ASCC3: variants seen among roughly 807,000 people sequenced by gnomAD.
The protein encoded by ASCC3 is ASC-1 complex subunit P200.
In ASCC3, 158 loss-of-function variants were observed where a neutral mutation model predicts 256.3. That is an observed-to-expected ratio of 0.62 (90% CI 0.54 to 0.70). The LOEUF (loss-of-function observed/expected upper bound fraction) is 0.70, where lower values mean the gene tolerates loss of function less well. Among genes scored for constraint, ASCC3 ranks in the 30% least tolerant of loss-of-function variants. The pLI, the probability that ASCC3 is intolerant of heterozygous loss-of-function variation, is 0.00. For missense variants in ASCC3, 2,259 were observed against 2,626.0 expected, an observed-to-expected ratio of 0.86 and a Z score of 3.05; for synonymous variants, 948 against 883.4, an observed-to-expected ratio of 1.07 and a Z score of -1.30.
At chr6:100,692,544 A>G (rs1184759807) in intron 13 of ASCC3, among the ~76,000 whole-genome samples, 1 of 152,080 alleles carries the variant, frequency 6.6e-6, no homozygotes, top group Non-Finnish European at 1.5e-5. Flanking sequence ...ACACTATTGA[A>G]AATTTCCTTA....
At chr6:100,851,763 C>G (rs891096819) in intron 3 of ASCC3, among the ~76,000 whole-genome samples, 1 of 152,156 alleles carries the variant, frequency 6.6e-6, no homozygotes, top group Non-Finnish European at 1.5e-5. Flanking sequence ...ATATGCCTTA[C>G]GGTTCTGGGA....
intron 4 of ASCC3, among the ~76,000 whole-genome samples, chr6:100,825,605 A>T (rs113813576): frequency 9.1e-4 from 139 of 152,210 alleles, no homozygotes; most frequent in African/African-American, 3.3e-3. Flanking sequence ...CTTGAGGAGT[A>T]TCTTGTGGTG....
intron 38 of ASCC3, among the ~76,000 whole-genome samples, chr6:100,517,117 C>G (rs1774069720): frequency 6.6e-6 from 1 of 152,020 alleles, no homozygotes. Flanking sequence ...CTAGGGACAT[C>G]CCATGGTAAG....
intron 13 of ASCC3, among the ~76,000 whole-genome samples, chr6:100,708,948 T>C (rs1482749265): frequency 6.6e-6 from 1 of 151,872 alleles, no homozygotes; most frequent in Admixed American, 6.6e-5. Flanking sequence ...GAGGTAACAA[T>C]TGCCAATTAA....
At chr6:100,603,234 A>G (rs1487531630) in intron 33 of ASCC3, among the ~76,000 whole-genome samples, 2 of 151,694 alleles carry the variant, frequency 1.3e-5, no homozygotes, top group East Asian at 3.9e-4. Flanking sequence ...ATCAAGGTAC[A>G]AAACCAAAAA....
Position 100,516,164 on chromosome 6 carries a change from T to C in ASCC3, c.6075+16A>G, listed in dbSNP as rs760107320. 6.2e-7 allele frequency: 1 copy of C among 1,613,360 alleles called. No individual in the cohort carries two copies. Among genetic ancestry groups the C allele is most frequent in the Admixed American group, 1.7e-5 (1 of 60,004 alleles). ...AGAGTAGGGGAGCCTTCAAAACACT[T>C]AAGAGATGGTCTTACCTGTTTCGTT... On this transcript the variant is annotated intron_variant, in intron 39 of 41. Coordinates refer to ENST00000369162, the MANE Select transcript of ASCC3 (RefSeq NM_006828.4).
intron 37 of ASCC3, among the ~76,000 whole-genome samples, chr6:100,532,534 G>A (rs1271636293): frequency 1.3e-5 from 2 of 151,284 alleles, no homozygotes; most frequent in Non-Finnish European, 3.0e-5. Context: ...TTGCCGTAAG[G>A]CAGGCTAGAA....
chr6:100,740,728 G>A (rs1780395545), intron 10 of ASCC3, among the ~76,000 whole-genome samples: 1 of 152,120 alleles, frequency 6.6e-6, no homozygotes, highest in African/African-American at 2.4e-5. Context: ...AACTAGGAAT[G>A]GCAACCCCTG....
chr6:100,570,843 T>C (rs948067217), intron 36 of ASCC3, among the ~76,000 whole-genome samples: 1 of 152,172 alleles, frequency 6.6e-6, no homozygotes, highest in African/African-American at 2.4e-5. Flanking sequence ...TTCCATTCTT[T>C]ACTTATAATC....
chr6:100,519,491 CTT>C (rs1165377086), intron 37 of ASCC3, among the ~76,000 whole-genome samples: 1 of 151,996 alleles, frequency 6.6e-6, no homozygotes, highest in Non-Finnish European at 1.5e-5. Context: ...CTTTGTCTGT[CTT>C]TGAAGTATAT....
intron 14 of ASCC3, among the ~76,000 whole-genome samples, chr6:100,677,657 T>C (rs985533564): frequency 2.6e-5 from 4 of 151,874 alleles, no homozygotes; most frequent in African/African-American, 9.7e-5. Flanking sequence ...AAAAAGTAAT[T>C]CTGGGATACC....
intron 37 of ASCC3, among the ~76,000 whole-genome samples, chr6:100,521,279 G>A (rs1206470355): frequency 6.6e-6 from 1 of 152,046 alleles, no homozygotes; most frequent in African/African-American, 2.4e-5. Flanking sequence ...TACGCCAAAG[G>A]GAAGCTGCAA....
intron 4 of ASCC3, among the ~76,000 whole-genome samples, chr6:100,822,355 A>C (rs1281367971): frequency 2.0e-5 from 3 of 152,044 alleles, no homozygotes; most frequent in Admixed American, 1.3e-4. Context: ...TGGGCAACAA[A>C]GTAAGACTCC....
At position 100,650,692 on chromosome 6, in the gene ASCC3, T is replaced by G; in HGVS notation, c.3098A>C (p.Glu1033Ala). The part of the protein sequence containing the change: ...QIKVREEEIE[E>A]LDTLLSNFCE... ...AAAATTGCTTAATAAGGTATCTAAC[T>G]CCTCTATTTCCTCTTCTCTGACCTA... is the stretch of plus-strand genomic sequence containing the variant. The change falls in exon 20 of 42, where the codon GAG becomes GCG. Residue 1033 changes from glutamate (E) to alanine (A), a missense_variant. Glu to Ala is a moderately radical substitution (Grantham distance 107). Transcript: ENST00000369162. The G allele has an allele frequency of 6.2e-7, 1 of 1,610,674 alleles. No homozygotes were observed. Among genetic ancestry groups the G allele is most frequent in the Non-Finnish European group, 8.5e-7 (1 of 1,177,438 alleles).
intron 30 of ASCC3, among the ~76,000 whole-genome samples, chr6:100,608,127 C>CATATATATGTATATATAGATATATAT (rs1562161246): frequency 8.8e-6 from 1 of 113,150 alleles, no homozygotes; most frequent in African/African-American, 3.8e-5. Context: ...TCTATATATA[C>CATATATATGTATATATAGATATATAT]ATATATATGT....
At chr6:100,769,800 A>C (rs1425367349) in intron 8 of ASCC3, among the ~76,000 whole-genome samples, 1 of 151,920 alleles carries the variant, frequency 6.6e-6, no homozygotes, top group Non-Finnish European at 1.5e-5. Flanking sequence ...AATAGTAAGA[A>C]AATATAATGA....
chr6:100,772,297 C>T (rs540445625), intron 8 of ASCC3, among the ~76,000 whole-genome samples: 191 of 152,204 alleles, frequency 1.3e-3, no homozygotes, highest in African/African-American at 4.5e-3. Flanking sequence ...CTAACATACC[C>T]CTTTGAGGCT....
chr6:100,750,306 T>A (rs565185387), intron 10 of ASCC3, among the ~76,000 whole-genome samples: 27 of 152,128 alleles, frequency 1.8e-4, no homozygotes, highest in African/African-American at 6.3e-4. Context: ...AAATAGACAA[T>A]ATCAGAAAAT....
chr6:100,605,590 C>T lies in ASCC3; in HGVS notation c.5155G>A (p.Glu1719Lys). 3 of 1,539,086 alleles carry T rather than the reference C, an allele frequency of 1.9e-6. No individual in the cohort carries two copies. Among genetic ancestry groups the T allele is most frequent in the Non-Finnish European group, 2.7e-6 (3 of 1,112,410 alleles). Residue 1719 changes from glutamate (E) to lysine (K), a missense_variant, in exon 33 of 42, where the codon GAA becomes AAA. Physicochemically the swap from Glu to Lys is moderately conservative, Grantham distance 56. Transcript: ENST00000369162. ...TACCTTGATTCTACTGGGAAAGGTTCATAAAGAAATTTTTTATAAAAGTCT... is the reference window on the plus strand; with the variant it reads ...TACCTTGATTCTACTGGGAAAGGTTTATAAAGAAATTTTTTATAAAAGTCT... ...KKDFYKKFLYEPFPVESSLLG... is the reference protein window; with the variant it reads ...KKDFYKKFLYKPFPVESSLLG...
Sources: gnomAD v4.1 joint callset for allele counts (sites outside exome capture counted in the v4.1 genomes callset) on GRCh38, gnomAD v4.1.1 for gene constraint, MANE v1.5 for transcripts, NCBI Gene and HGNC (gene_info 2026-07-23, HGNC 2026-07-21) for gene names.